Variants in KCND2 observed in about 807,000 individuals in gnomAD.
KCND2 encodes A-type voltage-gated potassium channel KCND2.
KCND2 carries 16 observed loss-of-function variants against 54.4 expected under a neutral mutation model. That is an observed-to-expected ratio of 0.29 (90% CI 0.20 to 0.45). The LOEUF (loss-of-function observed/expected upper bound fraction) is 0.45, where lower values mean the gene tolerates loss of function less well. Among genes scored for constraint, KCND2 ranks in the 20% least tolerant of loss-of-function variants. The pLI is 1.00. For missense variants in KCND2, 486 were observed against 824.2 expected (o/e 0.59, Z 5.02); for synonymous variants, 317 against 310.7 (o/e 1.02, Z -0.21).
chr7:120,462,031 C>T (rs1383835549), intron 1 of KCND2, among the ~76,000 whole-genome samples: 1 of 152,078 alleles, frequency 6.6e-6, no homozygotes, highest in Non-Finnish European at 1.5e-5. Flanking sequence ...TTAAATTCCT[C>T]TTACAATGCC....
At chr7:120,549,283 A>G (rs1284076294) in intron 1 of KCND2, among the ~76,000 whole-genome samples, 1 of 152,174 alleles carries the variant, frequency 6.6e-6, no homozygotes, top group Non-Finnish European at 1.5e-5. Flanking sequence ...TATTGGATTT[A>G]ATAAAACATT....
intron 1 of KCND2, among the ~76,000 whole-genome samples, chr7:120,554,347 G>A (rs917085399): frequency 1.3e-5 from 2 of 152,068 alleles, no homozygotes; most frequent in African/African-American, 4.8e-5. Context: ...CTAACCACAG[G>A]TTGCTGGCAT....
intron 1 of KCND2, among the ~76,000 whole-genome samples, chr7:120,724,078 T>C (rs1792702247): frequency 6.6e-6 from 1 of 152,170 alleles, no homozygotes; most frequent in Admixed American, 6.6e-5. Context: ...CCATATGTAT[T>C]GTTTACCATC....
intron 1 of KCND2, among the ~76,000 whole-genome samples, chr7:120,356,277 T>A (rs1347155209): frequency 3.7e-5 from 1 of 26,932 alleles, no homozygotes; most frequent in Non-Finnish European, 4.0e-4. Flanking sequence ...AATTACAACA[T>A]TTTTTACAAA....
intron 1 of KCND2, among the ~76,000 whole-genome samples, chr7:120,395,652 G>A (rs10225134): frequency 2.0e-5 from 3 of 151,826 alleles, no homozygotes; most frequent in African/African-American, 7.3e-5. Flanking sequence ...TATATGCTAA[G>A]TAAGAGGCAG....
intron 1 of KCND2, among the ~76,000 whole-genome samples, chr7:120,610,855 A>G (rs1792945188): frequency 6.6e-6 from 1 of 152,150 alleles, no homozygotes; most frequent in African/African-American, 2.4e-5. Context: ...ATTGCTTGGT[A>G]ATGCAGATAA....
intron 1 of KCND2, among the ~76,000 whole-genome samples, chr7:120,377,655 C>T (rs1429524710): frequency 6.6e-6 from 1 of 151,840 alleles, no homozygotes; most frequent in Non-Finnish European, 1.5e-5. Context: ...GATTCTTGAA[C>T]TCTCAGCTTA....
At chr7:120,698,575 A>G (rs1174367706) in intron 1 of KCND2, among the ~76,000 whole-genome samples, 1 of 152,242 alleles carries the variant, frequency 6.6e-6, no homozygotes, top group African/African-American at 2.4e-5. Flanking sequence ...GCTATAAGCT[A>G]GTCTACATAC....
chr7:120,375,253 G>A (rs1284886566), intron 1 of KCND2, among the ~76,000 whole-genome samples: 1 of 151,760 alleles, frequency 6.6e-6, no homozygotes, highest in Non-Finnish European at 1.5e-5. Context: ...GCAGGAATAA[G>A]TGAAATAGCT....
At chr7:120,696,395 T>A (rs937013170) in intron 1 of KCND2, among the ~76,000 whole-genome samples, 1 of 152,320 alleles carries the variant, frequency 6.6e-6, no homozygotes, top group Admixed American at 6.5e-5. Flanking sequence ...CTACCCAGCA[T>A]GTATTCTTTT....
chr7:120,536,690 T>A (rs1042407317), intron 1 of KCND2, among the ~76,000 whole-genome samples: 5 of 152,212 alleles, frequency 3.3e-5, no homozygotes, highest in Non-Finnish European at 4.4e-5. Context: ...CACTAAAGGA[T>A]GCCATCCTTC....
intron 1 of KCND2, among the ~76,000 whole-genome samples, chr7:120,369,372 C>A (rs1190393553): frequency 1.3e-5 from 2 of 151,986 alleles, no homozygotes; most frequent in African/African-American, 4.8e-5. Flanking sequence ...CTATTTTAAT[C>A]TTCAAAAAAC....
intron 1 of KCND2, among the ~76,000 whole-genome samples, chr7:120,576,224 T>C (rs1394056457): frequency 2.6e-5 from 4 of 152,180 alleles, no homozygotes; most frequent in African/African-American, 9.6e-5. Flanking sequence ...GTAGCAAAGA[T>C]GAAAAATTTT....
chr7:120,394,853 C>G (rs1204824937), intron 1 of KCND2, among the ~76,000 whole-genome samples: 1 of 151,974 alleles, frequency 6.6e-6, no homozygotes, highest in East Asian at 1.9e-4. Flanking sequence ...ACCACTTAAA[C>G]CACCTAAATC....
intron 1 of KCND2, among the ~76,000 whole-genome samples, chr7:120,513,418 C>T (rs564849351): frequency 6.6e-6 from 1 of 152,164 alleles, no homozygotes; most frequent in East Asian, 1.9e-4. Context: ...AATTCTCTAT[C>T]CCACTTATGA....
intron 1 of KCND2, among the ~76,000 whole-genome samples, chr7:120,335,631 G>GC (rs1018564376): frequency 4.6e-5 from 7 of 151,380 alleles, no homozygotes; most frequent in African/African-American, 9.7e-5. Context: ...GACTACAGGC[G>GC]CCCCCCACCA....
intron 1 of KCND2, among the ~76,000 whole-genome samples, chr7:120,459,001 A>G (rs1275266880): frequency 6.6e-6 from 1 of 151,790 alleles, no homozygotes; most frequent in Non-Finnish European, 1.5e-5. Flanking sequence ...TATTTTTATT[A>G]CTTCCTACCT....
At chr7:120,468,829 A>G (rs1265629803) in intron 1 of KCND2, among the ~76,000 whole-genome samples, 1 of 152,172 alleles carries the variant, frequency 6.6e-6, no homozygotes, top group Admixed American at 6.6e-5. Context: ...GAAACCTGTC[A>G]TAATGCGATT....
intron 1 of KCND2, among the ~76,000 whole-genome samples, chr7:120,495,319 T>A (rs1562854925): frequency 6.7e-6 from 1 of 150,184 alleles, no homozygotes; most frequent in Non-Finnish European, 1.5e-5. Context: ...TGTTGGATAT[T>A]TTAAAGCAGG....
Sources: gnomAD v4.1 joint callset for allele counts (sites outside exome capture counted in the v4.1 genomes callset) on GRCh38, gnomAD v4.1.1 for gene constraint, MANE v1.5 for transcripts, NCBI Gene and HGNC (gene_info 2026-07-23, HGNC 2026-07-21) for gene names.